TTC29: variants seen among roughly 807,000 people sequenced by gnomAD.
TTC29 encodes the protein tetratricopeptide repeat protein 29.
TTC29 carries 49 observed loss-of-function variants against 58.1 expected under a neutral mutation model. That is an observed-to-expected ratio of 0.84 (90% CI 0.67 to 1.07). The LOEUF (loss-of-function observed/expected upper bound fraction) is 1.07. Ranked by LOEUF, TTC29 falls within the 50% of genes least tolerant of loss-of-function variation. TTC29 has a pLI of 0.00. For synonymous variants in TTC29, 209 were observed against 196.8 expected (o/e 1.06, Z -0.52); for missense variants, 582 against 555.6 (o/e 1.05, Z -0.48).
chr4:146,759,343 T>C (rs981151827), intron 11 of TTC29, among the ~76,000 whole-genome samples: 1 of 151,834 alleles, frequency 6.6e-6, no homozygotes, highest in Non-Finnish European at 1.5e-5. Context: ...ATTACAAAAT[T>C]AGCAAGAAAC....
chr4:146,729,019 G>T (rs76754829), intron 11 of TTC29, among the ~76,000 whole-genome samples: 1 of 151,362 alleles, frequency 6.6e-6, no homozygotes, highest in African/African-American at 2.4e-5. Flanking sequence ...GGCACATAGG[G>T]ATATATTATA....
intron 8 of TTC29, among the ~76,000 whole-genome samples, chr4:146,860,821 C>T (rs563271459): frequency 6.6e-6 from 1 of 152,224 alleles, no homozygotes; most frequent in African/African-American, 2.4e-5. Context: ...TGTGATGCTA[C>T]TGGTGAGGCT....
At chr4:146,838,944 G>C (rs1579800506) in intron 8 of TTC29, among the ~76,000 whole-genome samples, 1 of 151,904 alleles carries the variant, frequency 6.6e-6, no homozygotes, top group South Asian at 2.1e-4. Context: ...TATCACTTCA[G>C]GCCTACCTTT....
intron 6 of TTC29, among the ~76,000 whole-genome samples, chr4:146,903,270 GA>G (rs1733277818): frequency 1.3e-5 from 2 of 152,066 alleles, no homozygotes; most frequent in East Asian, 3.9e-4. Context: ...AGGGGTTGGG[GA>G]GAATGCTTTC....
At chr4:146,912,653 TAA>T (rs1452795274) in intron 4 of TTC29, among the ~76,000 whole-genome samples, 1 of 152,020 alleles carries the variant, frequency 6.6e-6, no homozygotes, top group Non-Finnish European at 1.5e-5. Context: ...TATAAAAAAA[TAA>T]AGACTTTCAA....
At chr4:146,903,834 T>C (rs1733331861) in intron 5 of TTC29, 105 bp from the exon 6 acceptor site, 2 of 836,880 alleles carry the variant, frequency 2.4e-6, no homozygotes, top group African/African-American at 3.6e-5. Flanking sequence ...TCCTTAAAGA[T>C]GTGATTACCA....
At chr4:146,760,371 T>C (rs1386757398) in intron 11 of TTC29, among the ~76,000 whole-genome samples, 1 of 151,854 alleles carries the variant, frequency 6.6e-6, no homozygotes, top group African/African-American at 2.4e-5. Context: ...CCAAAAGCAA[T>C]CTACAAATTC....
intron 8 of TTC29, among the ~76,000 whole-genome samples, chr4:146,850,902 A>T (rs1021744174): frequency 6.6e-6 from 1 of 152,220 alleles, no homozygotes; most frequent in African/African-American, 2.4e-5. Flanking sequence ...ATGTTTAATT[A>T]AATTTAGGAA....
chr4:146,839,512 AT>A (rs1728715794), intron 8 of TTC29, among the ~76,000 whole-genome samples: 2 of 150,420 alleles, frequency 1.3e-5, no homozygotes, highest in Non-Finnish European at 3.0e-5. Context: ...CCTTATTCAG[AT>A]TTCACCAGTT....
At chr4:146,805,586 A>G (rs1411688706) in intron 10 of TTC29, among the ~76,000 whole-genome samples, 1 of 152,008 alleles carries the variant, frequency 6.6e-6, no homozygotes, top group Non-Finnish European at 1.5e-5. Flanking sequence ...AACTTCGTGA[A>G]GCATACAAAA....
chr4:146,902,757 A>G (rs1040470118), intron 6 of TTC29, among the ~76,000 whole-genome samples: 4 of 152,164 alleles, frequency 2.6e-5, no homozygotes, highest in African/African-American at 9.7e-5. Context: ...TGCGAGCTTT[A>G]GCTACAATCA....
intron 9 of TTC29, among the ~76,000 whole-genome samples, chr4:146,824,084 A>G (rs1752022247): frequency 6.6e-6 from 1 of 152,096 alleles, no homozygotes; most frequent in African/African-American, 2.4e-5. Context: ...CTCTTTGAAT[A>G]CCCTTTATTT....
intron 8 of TTC29, among the ~76,000 whole-genome samples, chr4:146,838,307 G>A (rs80199895): frequency 0.064 from 9,731 of 151,926 alleles, 416 homozygotes; most frequent in Admixed American, 0.13. Flanking sequence ...TTGAAGAAGT[G>A]TTGTTGTAAA....
At chr4:146,935,909 A>G (rs1176985398) in intron 4 of TTC29, among the ~76,000 whole-genome samples, 3 of 152,188 alleles carry the variant, frequency 2.0e-5, no homozygotes, top group Non-Finnish European at 4.4e-5. Flanking sequence ...CATTGCTGGG[A>G]GATGCTGAAA....
intron 11 of TTC29, among the ~76,000 whole-genome samples, chr4:146,714,589 C>G (rs778737452): frequency 6.8e-6 from 1 of 146,878 alleles, no homozygotes; most frequent in Non-Finnish European, 1.5e-5. Flanking sequence ...ACTTAAAGTA[C>G]GAAAAGAAAA....
At chr4:146,888,427 T>C (rs1198716215) in intron 6 of TTC29, among the ~76,000 whole-genome samples, 1 of 152,152 alleles carries the variant, frequency 6.6e-6, no homozygotes, top group Non-Finnish European at 1.5e-5. Context: ...GGGCTTCCTA[T>C]GCTGGTCTGC....
chr4:146,729,527 G>T (rs1008733574), intron 11 of TTC29, among the ~76,000 whole-genome samples: 3 of 152,072 alleles, frequency 2.0e-5, no homozygotes, highest in Non-Finnish European at 4.4e-5. Flanking sequence ...TGATTGTAGA[G>T]CTTGGATGTC....
intron 11 of TTC29, among the ~76,000 whole-genome samples, chr4:146,733,404 A>G (rs1295285743): frequency 2.0e-5 from 3 of 152,142 alleles, no homozygotes; most frequent in South Asian, 2.1e-4. Flanking sequence ...ATATATATAT[A>G]TCACAATTTA....
Position 146,833,834 on chromosome 4 carries a change from A to G in TTC29, c.949T>C (p.Tyr317His), listed in dbSNP as rs1386704987. The change falls in exon 9 of 13, where the codon TAT becomes CAT. Residue 317 changes from tyrosine (Y) to histidine (H), a missense_variant. Tyr to His is a moderately conservative substitution (Grantham distance 83, BLOSUM62 2). Coordinates refer to ENST00000325106, the MANE Select transcript of TTC29 (RefSeq NM_031956.4). Reference sequence around the variant, plus strand: ...TGCAGGACCTTGGCTATGGCTTCATAGCCTCTCCCCAGACTGAGATCATCA... The same window carrying G: ...TGCAGGACCTTGGCTATGGCTTCATGGCCTCTCCCCAGACTGAGATCATCA... ...LDDDLSLGRG[Y>H]EAIAKVLQSQ... is the part of the protein sequence containing the mutation. 1 of 1,613,340 alleles carries G rather than the reference A, an allele frequency of 6.2e-7. No individual in the cohort carries two copies. The highest frequency in any genetic ancestry group is 8.5e-7 in the Non-Finnish European group (1 of 1,179,474).
Sources: allele counts gnomAD v4.1 joint callset (sites outside exome capture counted in the v4.1 genomes callset), GRCh38; gene constraint gnomAD v4.1.1; transcripts MANE v1.5; gene names NCBI Gene and HGNC (gene_info 2026-07-23, HGNC 2026-07-21).